Variants in PTPRT observed in about 807,000 individuals in gnomAD.
The protein encoded by PTPRT is protein tyrosine phosphatase receptor type T.
In PTPRT, 56 loss-of-function variants were observed where a neutral mutation model predicts 176.8. The observed-to-expected ratio is 0.32, with a 90% CI of 0.26 to 0.40. The LOEUF (loss-of-function observed/expected upper bound fraction) is 0.40. Ranked by LOEUF, PTPRT falls within the 10% of genes least tolerant of loss-of-function variation. The pLI is 1.00. For missense variants in PTPRT, 1,540 were observed against 1,908.2 expected, an observed-to-expected ratio of 0.81 and a Z score of 3.60; for synonymous variants, 783 against 739.0, an observed-to-expected ratio of 1.06 and a Z score of -0.96.
intron 9 of PTPRT, among the ~76,000 whole-genome samples, chr20:42,427,223 C>A (rs2059172711): frequency 6.6e-6 from 1 of 152,188 alleles, no homozygotes; most frequent in South Asian, 2.1e-4. Context: ...GCACCTACTG[C>A]ATGGCAATAC....
At chr20:42,470,371 T>C (rs569126174) in intron 8 of PTPRT, among the ~76,000 whole-genome samples, 1 of 152,118 alleles carries the variant, frequency 6.6e-6, no homozygotes, top group Non-Finnish European at 1.5e-5. Flanking sequence ...TTGCAGCCAG[T>C]TTTTGCTGGA....
chr20:42,248,239 A>G (rs1464684793), intron 14 of PTPRT, among the ~76,000 whole-genome samples: 1 of 152,148 alleles, frequency 6.6e-6, no homozygotes, highest in Admixed American at 6.5e-5. Context: ...GCAGCCTGGG[A>G]TGCTATTATT....
intron 2 of PTPRT, among the ~76,000 whole-genome samples, chr20:42,838,943 C>G (rs1029821971): frequency 6.6e-6 from 1 of 152,110 alleles, no homozygotes; most frequent in African/African-American, 2.4e-5. Flanking sequence ...GGCTCCTACA[C>G]CTTTGGTCCC....
At chr20:42,553,546 T>C (rs141911291) in intron 7 of PTPRT, among the ~76,000 whole-genome samples, 1 of 152,262 alleles carries the variant, frequency 6.6e-6, no homozygotes, top group Non-Finnish European at 1.5e-5. Context: ...CATGTTTACT[T>C]CATTCTCACA....
chr20:42,109,364 A>G (rs1986813739), intron 23 of PTPRT, among the ~76,000 whole-genome samples: 1 of 152,218 alleles, frequency 6.6e-6, no homozygotes. Context: ...CCTTCAGGTC[A>G]GGAAGGCCAT....
At chr20:42,540,347 T>C (rs1425693846) in intron 7 of PTPRT, among the ~76,000 whole-genome samples, 1 of 152,052 alleles carries the variant, frequency 6.6e-6, no homozygotes, top group East Asian at 1.9e-4. Context: ...GTGAACACTT[T>C]CTTAGGAAGC....
At chr20:42,658,007 T>C (rs1325095483) in intron 7 of PTPRT, among the ~76,000 whole-genome samples, 2 of 152,126 alleles carry the variant, frequency 1.3e-5, no homozygotes, top group Admixed American at 6.6e-5. Flanking sequence ...AGTTTTAAGT[T>C]ATATCTAGAG....
rs6016819 is a variant in PTPRT at position 42,549,150 on chromosome 20, A to G, written c.1154-76588T>C. 3.4e-3 allele frequency among the ~76,000 whole-genome samples: 515 copies of G among 152,332 alleles called. 6 individuals carry two copies. Among genetic ancestry groups the G allele is most frequent in the African/African-American group, 0.012 (496 of 41,586 alleles). ...CCTCTGGGTGAAAGTGTATCAGAAC[A>G]TCATAGGCAGTAGCGGTGATTTGGA... On this transcript the variant is annotated intron_variant, in intron 7 of 30. Coordinates refer to ENST00000373187, the MANE Select transcript of PTPRT (RefSeq NM_007050.6).
the PTPRT span, among the ~76,000 whole-genome samples, chr20:42,048,979 A>G: frequency 6.6e-6 from 1 of 151,712 alleles, no homozygotes; most frequent in Non-Finnish European, 1.5e-5. Flanking sequence ...CCGCCACCAC[A>G]CCTGTCTAAT....
chr20:43,111,382 A>C (rs932752008), intron 1 of PTPRT, among the ~76,000 whole-genome samples: 15 of 151,984 alleles, frequency 9.9e-5, no homozygotes, highest in African/African-American at 3.6e-4. Flanking sequence ...TGCTAAAAAA[A>C]AAAATACAAA....
At chr20:42,182,907 G>GTGT (rs1555797577) in intron 16 of PTPRT, among the ~76,000 whole-genome samples, 8 of 144,708 alleles carry the variant, frequency 5.5e-5, no homozygotes, top group South Asian at 2.3e-4. Context: ...TACAAGCAGG[G>GTGT]GTGTGTGTGT....
intron 12 of PTPRT, among the ~76,000 whole-genome samples, chr20:42,292,978 G>A (rs960386165): frequency 5.3e-5 from 8 of 152,176 alleles, no homozygotes; most frequent in Non-Finnish European, 1.0e-4. Flanking sequence ...CCAACAGTGA[G>A]TGGCAAGGTG....
At chr20:42,647,123 C>G (rs2074923940) in intron 7 of PTPRT, among the ~76,000 whole-genome samples, 1 of 151,834 alleles carries the variant, frequency 6.6e-6, no homozygotes, top group African/African-American at 2.4e-5. Flanking sequence ...TCTCCAACTC[C>G]TGGGCTCAAG....
intron 2 of PTPRT, among the ~76,000 whole-genome samples, chr20:42,842,592 G>C (rs2078297679): frequency 6.6e-6 from 1 of 151,914 alleles, no homozygotes; most frequent in Non-Finnish European, 1.5e-5. Flanking sequence ...ACAAATTTTT[G>C]TATTTTTAGT....
At chr20:42,714,995 G>T (rs2076201865) in intron 6 of PTPRT, among the ~76,000 whole-genome samples, 1 of 152,192 alleles carries the variant, frequency 6.6e-6, no homozygotes, top group Admixed American at 6.5e-5. Context: ...GGAACCTCTG[G>T]AATCCTGGCC....
At chr20:42,823,322 G>A (rs1171050424) in intron 2 of PTPRT, among the ~76,000 whole-genome samples, 1 of 152,080 alleles carries the variant, frequency 6.6e-6, no homozygotes, top group Non-Finnish European at 1.5e-5. Flanking sequence ...TCACTTATAA[G>A]TGGGAGTTGA....
At chr20:42,361,721 G>A (rs957579396) in intron 9 of PTPRT, among the ~76,000 whole-genome samples, 10 of 152,100 alleles carry the variant, frequency 6.6e-5, no homozygotes, top group Non-Finnish European at 1.2e-4. Context: ...TCCAGTTCTC[G>A]GCTCTCTGGT....
At chr20:43,159,796 C>T (rs886705791) in intron 1 of PTPRT, among the ~76,000 whole-genome samples, 1 of 151,992 alleles carries the variant, frequency 6.6e-6, no homozygotes, top group Non-Finnish European at 1.5e-5. Flanking sequence ...GAGGTTTGTG[C>T]CCCCAAGGTA....
At chr20:43,139,834 C>T (rs1442380510) in intron 1 of PTPRT, among the ~76,000 whole-genome samples, 4 of 152,192 alleles carry the variant, frequency 2.6e-5, no homozygotes, top group South Asian at 2.1e-4. Context: ...GGAGCAGCAT[C>T]GGCATCTGGG....
Sources: allele counts gnomAD v4.1 joint callset (sites outside exome capture counted in the v4.1 genomes callset), GRCh38; gene constraint gnomAD v4.1.1; transcripts MANE v1.5; gene names NCBI Gene and HGNC (gene_info 2026-07-23, HGNC 2026-07-21).